Variants in ZNF331 observed in about 807,000 individuals in gnomAD.
ZNF331 encodes zinc finger protein 331, also known as C2H2-like zinc finger protein rearranged in thyroid adenomas.
A neutral mutation model predicts 7.0 loss-of-function variants in ZNF331; 2 were observed. That is an observed-to-expected ratio of 0.29 (90% CI 0.12 to 0.90). ZNF331 has a LOEUF of 0.90. ZNF331 is among the 40% of genes least tolerant of loss of function. The probability of loss-of-function intolerance (pLI) is 0.58; values close to 1 mark genes in which losing one functional copy is unlikely to be tolerated. For synonymous variants in ZNF331, 196 were observed against 205.4 expected, an observed-to-expected ratio of 0.95 and a Z score of 0.39; for missense variants, 432 against 587.7, an observed-to-expected ratio of 0.74 and a Z score of 2.74.
In ZNF331 at chr19:53,577,439, C is replaced by T. The variant is rs1037719167; in HGVS notation, c.879C>T (p.His293=). ...GSSLIQHKRI[H]TGEKPYECQE... ...GCCTCATTCAGCATAAAAGAATTCA[C>T]ACAGGTGAGAAACCCTATGAATGTC... is the stretch of plus-strand genomic sequence containing the variant. Residue 293 remains histidine, a synonymous_variant, in exon 6 of 6, where the codon CAC becomes CAT. Transcript: ENST00000449416. The T allele has an allele frequency of 8.7e-6, 14 of 1,614,050 alleles. No individual in the cohort carries two copies. Among genetic ancestry groups the T allele is most frequent in the East Asian group, 4.5e-5 (2 of 44,848 alleles).
Position 53,570,122 on chromosome 19 carries a change from G to A in ZNF331, c.9+737G>A, listed in dbSNP as rs188410511. On this transcript the variant is annotated intron_variant, in intron 4 of 5. Transcript: ENST00000449416. ...AATACCAAAATTAGCAGGCTATGGT[G>A]GCATGTGTCCATAATCCCAGCTACT... 3.2e-3 allele frequency among the ~76,000 whole-genome samples: 491 copies of A among 152,128 alleles called. 4 individuals carry two copies. The highest frequency in any genetic ancestry group is 3.4e-3 in the Non-Finnish European group (228 of 68,016).
At chr19:53,530,126 C>T (rs1239018622) in intron 2 of ZNF331, among the ~76,000 whole-genome samples, 2 of 152,156 alleles carry the variant, frequency 1.3e-5, no homozygotes, top group Admixed American at 6.6e-5. Context: ...AGGCACGTCA[C>T]ATGGCAAAAG....
rs1352801219 is a variant in ZNF331 at position 53,576,891 on chromosome 19, C to G, written c.331C>G (p.Pro111Ala). The change falls in exon 6 of 6, where the codon CCT (proline) becomes GCT (alanine). Residue 111 changes from proline (P) to alanine (A), a missense_variant. Transcript: ENST00000449416. ...GATGATCATCAATTATGTCAAAAGA[C>G]CTGCTACTAGAGAAGGCACCCCTCC... ...NQMIINYVKR[P>A]ATREGTPPRT... 6.2e-7 allele frequency: 1 copy of G among 1,614,088 alleles called. No individual in the cohort carries two copies. Among genetic ancestry groups the G allele is most frequent in the Non-Finnish European group, 8.5e-7 (1 of 1,180,006 alleles).
Position 53,558,856 on chromosome 19 carries a change from C to T in ZNF331, c.-74+2948C>T, listed in dbSNP as rs912717280. 6.6e-6 allele frequency among the ~76,000 whole-genome samples: 1 copy of T among 150,646 alleles called. No individual in the cohort carries two copies. The highest frequency in any genetic ancestry group is 2.5e-5 in the African/African-American group (1 of 40,470). On this transcript the variant is annotated intron_variant, in intron 3 of 5. Coordinates refer to ENST00000449416, the MANE Select transcript of ZNF331 (RefSeq NM_001079906.2). The surrounding 1 kb of genome is among the most constrained non-coding windows in gnomAD (Gnocchi z 4.5). ...CACCTACATATATACACACCATACA[C>T]ACATATACACACACATACCCCATAT...
At chr19:53,524,163 T>C (rs1003065257) in intron 2 of ZNF331, among the ~76,000 whole-genome samples, 2 of 152,242 alleles carry the variant, frequency 1.3e-5, no homozygotes, top group Non-Finnish European at 2.9e-5. Context: ...CAGTCTGTCA[T>C]TGATGGACAT....
chr19:53,542,319 AAGAC>A (rs2088233182), intron 2 of ZNF331, among the ~76,000 whole-genome samples: 2 of 152,196 alleles, frequency 1.3e-5, no homozygotes, highest in South Asian at 2.1e-4. Context: ...ATTTTCAAGA[AAGAC>A]AGCCTTTTAG....
chr19:53,563,434 G>A (rs1197325735), intron 3 of ZNF331, among the ~76,000 whole-genome samples: 1 of 152,114 alleles, frequency 6.6e-6, no homozygotes, highest in African/African-American at 2.4e-5. Context: ...CTACTTACTG[G>A]TGGAGAGGCA....
upstream of ZNF331, among the ~76,000 whole-genome samples, chr19:53,517,292 C>T (rs2086925069): frequency 6.6e-6 from 1 of 152,078 alleles, no homozygotes; most frequent in Non-Finnish European, 1.5e-5. Context: ...TCTTACATTT[C>T]ATGGGGCACT....
chr19:53,556,971 CTTTTTTTTTTTT>C (rs59869542), intron 3 of ZNF331, among the ~76,000 whole-genome samples: 22 of 69,592 alleles, frequency 3.2e-4, no homozygotes, highest in Admixed American at 8.7e-4. Flanking sequence ...ACACCTGGCT[CTTTTTTTTTTTT>C]TTTTTTTTTT....
At chr19:53,574,676 T>C (rs2090619691) in intron 5 of ZNF331, among the ~76,000 whole-genome samples, 1 of 152,198 alleles carries the variant, frequency 6.6e-6, no homozygotes, top group Admixed American at 6.5e-5. Flanking sequence ...TGTTAATGTG[T>C]CACCACCATG....
At chr19:53,576,667 A>C (rs2090738276) in intron 5 of ZNF331, 30 bp from the exon 6 acceptor site, 2 of 1,569,284 alleles carry the variant, frequency 1.3e-6, no homozygotes, top group East Asian at 4.5e-5. Flanking sequence ...TGTCCCTCTA[A>C]AGGAAAGAAA....
intron 2 of ZNF331, among the ~76,000 whole-genome samples, chr19:53,554,312 C>T (rs2089214227): frequency 6.6e-6 from 1 of 152,104 alleles, no homozygotes; most frequent in African/African-American, 2.4e-5. Flanking sequence ...GGTCTGGTCG[C>T]ACATGCGGAT....
rs2090859204 is a variant in ZNF331 at position 53,579,778 on chromosome 19, C to G, written c.*1826C>G. ...TACACTTCATCAAAAGTACAAAGTTCTGTTCATCAAATGATGCTGTTAAGA... is the reference window on the plus strand; with the variant it reads ...TACACTTCATCAAAAGTACAAAGTTGTGTTCATCAAATGATGCTGTTAAGA... On this transcript the variant is annotated 3_prime_UTR_variant, in exon 6 of 6. Transcript: ENST00000449416. 5.1e-6 allele frequency: 1 copy of G among 197,660 alleles called. No individual in the cohort carries two copies. The highest frequency in any genetic ancestry group is 1.9e-4 in the South Asian group (1 of 5,190). The allele number at this position is 197,660 out of a possible 1,614,324, so 12.2% of individuals were successfully genotyped here.
In ZNF331 at chr19:53,538,311, C is replaced by G. The variant is rs954018826; in HGVS notation, c.-205+15C>G. The G allele has an allele frequency of 6.6e-6, 1 of 152,150 alleles. No individual in the cohort carries two copies. Among genetic ancestry groups the G allele is most frequent in the Non-Finnish European group, 1.5e-5 (1 of 68,078 alleles). The allele number at this position is 152,150 out of a possible 1,614,324, so 9.4% of individuals were successfully genotyped here. On this transcript the variant is annotated intron_variant, in intron 1 of 5. Transcript: ENST00000449416. ...AGTCCGCGCAGGTGAGATTGGTGCG[C>G]GTGGCTCCGAGGGGAGACGGGCACG... is the stretch of plus-strand genomic sequence containing the variant.
At chr19:53,532,250 C>T (rs2087571280) in intron 2 of ZNF331, among the ~76,000 whole-genome samples, 1 of 152,120 alleles carries the variant, frequency 6.6e-6, no homozygotes, top group African/African-American at 2.4e-5. Flanking sequence ...CTATTCCCAC[C>T]CCTGTCCCAG....
At chr19:53,521,592 G>C (rs1045380520) in exon 1 of ZNF331, 1 of 152,526 alleles carries the variant, frequency 6.6e-6, no homozygotes, top group Non-Finnish European at 1.5e-5. Flanking sequence ...CAGCCGGGCT[G>C]TGTCTCTGCA....
chr19:53,522,635 A>T (rs571384583), exon 2 of ZNF331: 1 of 152,232 alleles, frequency 6.6e-6, no homozygotes, highest in Non-Finnish European at 1.5e-5. Flanking sequence ...CAGGAAAAGC[A>T]TCCCGGAGGA....
intron 2 of ZNF331, among the ~76,000 whole-genome samples, chr19:53,531,938 G>A (rs893864909): frequency 1.3e-4 from 20 of 151,810 alleles, no homozygotes; most frequent in African/African-American, 2.7e-4. Flanking sequence ...TTATTTATTC[G>A]GATTATTGTT....
the ZNF331 span, among the ~76,000 whole-genome samples, chr19:53,506,575 C>T: frequency 2.0e-5 from 3 of 151,554 alleles, no homozygotes; most frequent in South Asian, 4.2e-4. Flanking sequence ...TTCGCAGTCC[C>T]TTACCCATGC....
Sources: allele counts gnomAD v4.1 joint callset (sites outside exome capture counted in the v4.1 genomes callset), GRCh38; gene constraint gnomAD v4.1.1; non-coding constraint Gnocchi (gnomAD v3.1); transcripts MANE v1.5; gene names NCBI Gene and HGNC (gene_info 2026-07-23, HGNC 2026-07-21).